The following SNW1 variants were observed in gnomAD, a reference collection of about 807,000 sequenced individuals.
SNW1 encodes SNW domain-containing protein 1.
Under a neutral mutation model 75.6 loss-of-function variants are expected in SNW1, and 9 were observed. The ratio of observed to expected loss-of-function variants is 0.12; its 90% CI spans 0.07 to 0.21. SNW1 has a LOEUF of 0.21. Ranked by LOEUF, SNW1 falls within the 10% of genes least tolerant of loss-of-function variation. The pLI, the probability that SNW1 is intolerant of heterozygous loss-of-function variation, is 1.00. For synonymous variants in SNW1, 200 were observed against 219.1 expected (o/e 0.91, Z 0.77); for missense variants, 409 against 670.9 (o/e 0.61, Z 4.31).
At chr14:77,760,637 G>A (rs1369353540) in intron 1 of SNW1, 4 of 702,190 alleles carry the variant, frequency 5.7e-6, no homozygotes, top group African/African-American at 1.7e-5. Flanking sequence ...GTTCAGCTCC[G>A]GGCCTCTTTT....
chr14:77,742,282 C>T (rs946828698), intron 3 of SNW1, among the ~76,000 whole-genome samples: 15 of 151,982 alleles, frequency 9.9e-5, no homozygotes, highest in Admixed American at 5.2e-4. Context: ...GCGATCCACC[C>T]GCCTCGGCCT....
At chr14:77,759,378 G>T (rs1024521168) in intron 1 of SNW1, among the ~76,000 whole-genome samples, 17 of 152,076 alleles carry the variant, frequency 1.1e-4, no homozygotes, top group African/African-American at 3.9e-4. Flanking sequence ...TGGGCATCAT[G>T]GCAAGCGTCT....
intron 3 of SNW1, among the ~76,000 whole-genome samples, chr14:77,746,803 G>A (rs573744641): frequency 6.6e-6 from 1 of 151,914 alleles, no homozygotes; most frequent in South Asian, 2.1e-4. Flanking sequence ...TTCCATTCAT[G>A]TAAACAACAG....
Position 77,760,598 on chromosome 14 carries a change from G to A in SNW1, c.14+516C>T, listed in dbSNP as rs551456097. 6.8e-5 allele frequency: 47 copies of A among 695,124 alleles called. No individual in the cohort carries two copies. The African/African-American group carries it at 7.0e-4, about 10-fold the overall frequency. The allele number at this position is 695,124 out of a possible 1,614,324, so 43.1% of individuals were successfully genotyped here. ...GCAGTGGCGCATATCAGCAGACGGC[G>A]GTCACTACTGTGGCTCATTTAAATC... On this transcript the variant is annotated intron_variant, in intron 1 of 13. Coordinates refer to ENST00000261531, the MANE Select transcript of SNW1 (RefSeq NM_012245.3).
intron 8 of SNW1, among the ~76,000 whole-genome samples, chr14:77,733,573 GTC>G (rs906211261): frequency 1.3e-5 from 2 of 151,334 alleles, no homozygotes; most frequent in Non-Finnish European, 2.9e-5. Context: ...GTGAAACCCC[GTC>G]TCTACCAAAA....
rs749326713 is a variant in SNW1 at position 77,751,364 on chromosome 14, T to C, written c.285A>G (p.Lys95=). 4 of 1,613,922 alleles carry C rather than the reference T, an allele frequency of 2.5e-6. No homozygotes were observed. In the South Asian group the frequency reaches 4.4e-5, roughly 18 times the overall value. The stretch of plus-strand genomic sequence containing the variant: ...GTCGAGCAATTGCATCATATTTAAT[T>C]TTTCCTTCAGAATCCACCTGAATGG... ...ALAIQVDSEG[K]IKYDAIARQG... The change falls in exon 3 of 14, where the codon AAA becomes AAG. Residue 95 remains lysine (K), a synonymous_variant. Coordinates refer to ENST00000261531, the MANE Select transcript of SNW1 (RefSeq NM_012245.3).
chr14:77,757,813 CAG>C (rs1168559752), intron 1 of SNW1, among the ~76,000 whole-genome samples: 1 of 152,190 alleles, frequency 6.6e-6, no homozygotes, highest in Non-Finnish European at 1.5e-5. Context: ...CACTCTTCCC[CAG>C]CACTCACCAT....
At chr14:77,747,528 C>T (rs1356424298) in intron 3 of SNW1, among the ~76,000 whole-genome samples, 2 of 151,954 alleles carry the variant, frequency 1.3e-5, no homozygotes, top group African/African-American at 4.8e-5. Context: ...TCTGCCCCGC[C>T]GCCCGGTCTG....
chr14:77,750,788 A>G (rs1010068394), intron 3 of SNW1, among the ~76,000 whole-genome samples: 7 of 152,346 alleles, frequency 4.6e-5, no homozygotes, highest in African/African-American at 1.7e-4. Context: ...TAGCAGGGCC[A>G]TCCTAAATCT....
intron 9 of SNW1, 42 bp downstream of exon 9, chr14:77,732,443 T>C (rs17752628): frequency 0.055 from 60,801 of 1,098,102 alleles, 1,924 homozygotes; most frequent in African/African-American, 0.095. Flanking sequence ...AGAATGGATT[T>C]TAAAAGTAAC....
intron 3 of SNW1, among the ~76,000 whole-genome samples, chr14:77,746,882 G>T (rs2080764122): frequency 6.6e-6 from 1 of 151,578 alleles, no homozygotes; most frequent in Non-Finnish European, 1.5e-5. Context: ...TAAAAATTTG[G>T]AATTATAGCT....
chr14:77,757,461 A>G (rs1343337385), intron 1 of SNW1, among the ~76,000 whole-genome samples: 1 of 152,174 alleles, frequency 6.6e-6, no homozygotes, highest in Admixed American at 6.5e-5. Flanking sequence ...TCTACTTCAT[A>G]AGGTTCTTAT....
chr14:77,746,975 T>C (rs1251866225), intron 3 of SNW1, among the ~76,000 whole-genome samples: 1 of 151,218 alleles, frequency 6.6e-6, no homozygotes, highest in Non-Finnish European at 1.5e-5. Flanking sequence ...GAGCCGAGGC[T>C]GGACTGTGCT....
intron 3 of SNW1, among the ~76,000 whole-genome samples, chr14:77,749,610 C>A (rs2139927520): frequency 6.6e-6 from 1 of 151,988 alleles, no homozygotes; most frequent in East Asian, 1.9e-4. Flanking sequence ...ACTAAAAATA[C>A]AAAAAAATTC....
chr14:77,756,743 C>T (rs992194129), intron 1 of SNW1, among the ~76,000 whole-genome samples: 5 of 152,092 alleles, frequency 3.3e-5, no homozygotes, highest in Admixed American at 1.3e-4. Flanking sequence ...ATTAGCCAGG[C>T]GTGCTGGTGT....
chr14:77,751,490 A>G lies in SNW1; in HGVS notation c.169-10T>C. ...CTCCATCTCCAAAATCCTACACATTAGAAGTAGTTAAATAAAATAGTTAAT... is the reference window on the plus strand; with the variant it reads ...CTCCATCTCCAAAATCCTACACATTGGAAGTAGTTAAATAAAATAGTTAAT... On this transcript the variant is annotated splice_polypyrimidine_tract_variant and intron_variant, in intron 2 of 13. Coordinates refer to ENST00000261531, the MANE Select transcript of SNW1 (RefSeq NM_012245.3). 1 of 1,572,790 alleles carries G rather than the reference A, an allele frequency of 6.4e-7. No homozygotes were observed. Among genetic ancestry groups the G allele is most frequent in the Non-Finnish European group, 8.6e-7 (1 of 1,161,214 alleles).
chr14:77,743,722 T>C (rs2080736669), intron 3 of SNW1, among the ~76,000 whole-genome samples: 1 of 152,130 alleles, frequency 6.6e-6, no homozygotes, highest in Admixed American at 6.5e-5. Flanking sequence ...TTTGTAAATG[T>C]GTGAGGTGTT....
intron 3 of SNW1, among the ~76,000 whole-genome samples, chr14:77,751,111 T>C (rs1465005792): frequency 1.3e-5 from 2 of 152,104 alleles, no homozygotes; most frequent in African/African-American, 4.8e-5. Flanking sequence ...CAAGCAAGAG[T>C]GCAGTGGCTC....
intron 12 of SNW1, among the ~76,000 whole-genome samples, chr14:77,720,192 A>G (rs2139890181): frequency 6.6e-6 from 1 of 151,144 alleles, no homozygotes; most frequent in Non-Finnish European, 1.5e-5. Context: ...ATAGAGTCTC[A>G]GTCACCCAGG....
Sources: allele counts gnomAD v4.1 joint callset (sites outside exome capture counted in the v4.1 genomes callset), GRCh38; gene constraint gnomAD v4.1.1; transcripts MANE v1.5; gene names NCBI Gene and HGNC (gene_info 2026-07-23, HGNC 2026-07-21).